PLEKHA6: variants seen among roughly 807,000 people sequenced by gnomAD.
PLEKHA6 encodes the protein pleckstrin homology domain-containing family A member 6.
In PLEKHA6, 60 loss-of-function variants were observed where a neutral mutation model predicts 116.7. The observed-to-expected ratio is 0.51, with a 90% CI of 0.42 to 0.64. The LOEUF is 0.64. Ranked by LOEUF, PLEKHA6 falls within the 30% of genes least tolerant of loss-of-function variation. The probability of loss-of-function intolerance (pLI) is 0.00; values close to 1 mark genes in which losing one functional copy is unlikely to be tolerated. For synonymous variants in PLEKHA6, 489 were observed against 556.1 expected, an observed-to-expected ratio of 0.88 and a Z score of 1.70; for missense variants, 1,338 against 1,422.7, an observed-to-expected ratio of 0.94 and a Z score of 0.96.
At chr1:204,306,891 G>C (rs551356002) in intron 1 of PLEKHA6, among the ~76,000 whole-genome samples, 1 of 152,026 alleles carries the variant, frequency 6.6e-6, no homozygotes, top group Admixed American at 6.5e-5. Context: ...CTTACCCTAG[G>C]GGCATCAGTC....
chr1:204,245,847 TACAC>T (rs58927549), intron 13 of PLEKHA6, 121 bp from the exon 14 acceptor site: 6,138 of 548,912 alleles, frequency 0.011, 67 homozygotes, highest in African/African-American at 0.052. Context: ...GCACCCTGTG[TACAC>T]ACACACACAC....
In PLEKHA6 at chr1:204,221,390, C is replaced by G. The variant is rs532848885; in HGVS notation, c.*1398G>C. 1 of 152,736 alleles carries G rather than the reference C, an allele frequency of 6.5e-6. No homozygotes were observed. Among genetic ancestry groups the G allele is most frequent in the Non-Finnish European group, 1.5e-5 (1 of 68,028 alleles). 9.5% of individuals were successfully genotyped at this position (152,736 alleles called of 1,614,324 possible). Reference sequence around the variant, plus strand: ...GAGGGGCCACGGTGTCTTCAGTTTCCCTCCTTCCTCCTCTCTGGCTACATT... The same window carrying G: ...GAGGGGCCACGGTGTCTTCAGTTTCGCTCCTTCCTCCTCTCTGGCTACATT... On this transcript the variant is annotated 3_prime_UTR_variant, in exon 23 of 23. Transcript: ENST00000272203.
chr1:204,224,262 A>G (rs1386480715), intron 21 of PLEKHA6, among the ~76,000 whole-genome samples: 1 of 152,078 alleles, frequency 6.6e-6, no homozygotes, highest in Non-Finnish European at 1.5e-5. Flanking sequence ...TATCATTATT[A>G]TTCCATGTTA....
At chr1:204,318,899 C>A (rs568578182) in intron 1 of PLEKHA6, among the ~76,000 whole-genome samples, 43 of 152,262 alleles carry the variant, frequency 2.8e-4, no homozygotes, top group African/African-American at 9.9e-4. Context: ...TTGCCAGAGG[C>A]CACTCTATGA....
chr1:204,312,881 C>CTTTTCTTTTCTTTTCTT (rs1671710637), intron 1 of PLEKHA6, among the ~76,000 whole-genome samples: 2 of 139,818 alleles, frequency 1.4e-5, no homozygotes, highest in African/African-American at 6.2e-5. Context: ...CTTTTCTTTT[C>CTTTTCTTTTCTTTTCTT]TTTTCTTTTT....
chr1:204,332,488 TCTC>T (rs1672491391), intron 1 of PLEKHA6, among the ~76,000 whole-genome samples: 1 of 152,054 alleles, frequency 6.6e-6, no homozygotes, highest in African/African-American at 2.4e-5. Flanking sequence ...TTCAAGCAAT[TCTC>T]CTGCCTCAGC....
chr1:204,317,723 T>C (rs1216520969), intron 1 of PLEKHA6, among the ~76,000 whole-genome samples: 1 of 152,184 alleles, frequency 6.6e-6, no homozygotes, highest in Non-Finnish European at 1.5e-5. Flanking sequence ...ATGGGAGAAA[T>C]GCATTTTTTA....
intron 1 of PLEKHA6, among the ~76,000 whole-genome samples, chr1:204,354,268 C>T (rs1346866118): frequency 2.0e-5 from 3 of 152,204 alleles, no homozygotes; most frequent in African/African-American, 7.2e-5. Flanking sequence ...GGTGGACCAG[C>T]TACCATGAAG....
intron 18 of PLEKHA6, among the ~76,000 whole-genome samples, chr1:204,229,664 C>A (rs1456240820): frequency 6.6e-6 from 1 of 152,196 alleles, no homozygotes; most frequent in Non-Finnish European, 1.5e-5. Context: ...ATCTTCCCAC[C>A]TTGGCCTCCC....
At chr1:204,253,942 T>A (rs566492792) in intron 9 of PLEKHA6, among the ~76,000 whole-genome samples, 1 of 152,228 alleles carries the variant, frequency 6.6e-6, no homozygotes, top group Admixed American at 6.5e-5. Context: ...GCCCCTAGCC[T>A]AATGGACCAG....
At chr1:204,242,509 A>G (rs765401660) in intron 15 of PLEKHA6, among the ~76,000 whole-genome samples, 6 of 152,206 alleles carry the variant, frequency 3.9e-5, no homozygotes, top group Admixed American at 6.5e-5. Context: ...CTAAACCTAG[A>G]TGAGCATATG....
intron 1 of PLEKHA6, among the ~76,000 whole-genome samples, chr1:204,352,298 C>G (rs1279219800): frequency 6.6e-6 from 1 of 151,696 alleles, no homozygotes; most frequent in Non-Finnish European, 1.5e-5. Context: ...TTGCTTGAAC[C>G]TGGGAGGCAG....
chr1:204,268,399 T>C (rs1263601517), intron 3 of PLEKHA6, 87 bp from the exon 4 acceptor site: 2 of 888,672 alleles, frequency 2.3e-6, no homozygotes, highest in Non-Finnish European at 3.4e-6. Flanking sequence ...CTAGAGCTGC[T>C]TCTCCCTAGG....
intron 1 of PLEKHA6, chr1:204,309,683 AG>A (rs1376367109): frequency 3.3e-6 from 3 of 902,488 alleles, no homozygotes; most frequent in Non-Finnish European, 4.0e-6. Context: ...GACCATATTG[AG>A]AAGGAACTGT....
intron 1 of PLEKHA6, among the ~76,000 whole-genome samples, chr1:204,292,590 C>A (rs1438174075): frequency 6.6e-6 from 1 of 152,114 alleles, no homozygotes; most frequent in African/African-American, 2.4e-5. Flanking sequence ...CTGGCTGATG[C>A]CCCCCATTTC....
At chr1:204,315,962 A>G (rs898638308) in intron 1 of PLEKHA6, among the ~76,000 whole-genome samples, 1 of 152,150 alleles carries the variant, frequency 6.6e-6, no homozygotes, top group Admixed American at 6.5e-5. Flanking sequence ...TTCTATAAAC[A>G]TTTACTGTGT....
At chr1:204,290,908 G>A (rs1466658408) in intron 1 of PLEKHA6, among the ~76,000 whole-genome samples, 1 of 148,656 alleles carries the variant, frequency 6.7e-6, no homozygotes, top group Non-Finnish European at 1.5e-5. Flanking sequence ...AGAATCACTT[G>A]AACCCAGGAG....
intron 1 of PLEKHA6, among the ~76,000 whole-genome samples, chr1:204,281,573 G>C (rs1343421473): frequency 2.6e-5 from 4 of 151,924 alleles, no homozygotes; most frequent in Admixed American, 1.3e-4. Flanking sequence ...AAAAACAACA[G>C]AGCAAGACCC....
At chr1:204,298,328 C>G (rs957495090) in intron 1 of PLEKHA6, among the ~76,000 whole-genome samples, 2 of 152,240 alleles carry the variant, frequency 1.3e-5, no homozygotes, top group African/African-American at 4.8e-5. Flanking sequence ...AAACAATGAG[C>G]TTTCCAACAG....
Sources: allele counts gnomAD v4.1 joint callset (sites outside exome capture counted in the v4.1 genomes callset), GRCh38; gene constraint gnomAD v4.1.1; transcripts MANE v1.5; gene names NCBI Gene and HGNC (gene_info 2026-07-23, HGNC 2026-07-21).